DNAH5: variants seen among roughly 807,000 people sequenced by gnomAD.
DNAH5 encodes dynein axonemal heavy chain 5, also known as axonemal beta dynein heavy chain 5.
A neutral mutation model predicts 518.2 loss-of-function variants in DNAH5; 372 were observed. That is an observed-to-expected ratio of 0.72 (90% confidence interval 0.66 to 0.78). The LOEUF (loss-of-function observed/expected upper bound fraction) is 0.78, where lower values mean the gene tolerates loss of function less well. Ranked by LOEUF, DNAH5 falls within the 30% of genes least tolerant of loss-of-function variation. The pLI is 0.00. For missense variants in DNAH5, 5,523 were observed against 5,687.0 expected (o/e 0.97, Z 0.93); for synonymous variants, 2,039 against 2,025.9 (o/e 1.01, Z -0.17).
chr5:13,719,649 C>T (rs577712710), intron 71 of DNAH5, among the ~76,000 whole-genome samples: 3 of 152,270 alleles, frequency 2.0e-5, no homozygotes, highest in Non-Finnish European at 4.4e-5. Context: ...TGATTTTCTA[C>T]AGAAGGCAAA....
Position 13,901,351 on chromosome 5 carries a change from T to G in DNAH5, c.1953A>C (p.Leu651=), listed in dbSNP as rs1358600665. ...MQLFQQHPAV[L]STAEAKPIIR... is the part of the protein sequence containing the mutation. Reference sequence around the variant, plus strand: ...TTATAGGTTTGGCTTCTGCCGTGCTTAGCACAGCTGGGTGCTGCTGGAAAA... The same window carrying G: ...TTATAGGTTTGGCTTCTGCCGTGCTGAGCACAGCTGGGTGCTGCTGGAAAA... Residue 651 remains leucine (L), a synonymous_variant, in exon 14 of 79, where the codon CTA becomes CTC. Transcript: ENST00000265104. 6 of 1,614,070 alleles carry G rather than the reference T, an allele frequency of 3.7e-6. No homozygotes were observed. In the African/African-American group the frequency reaches 8.0e-5, roughly 22 times the overall value.
chr5:13,718,466 T>C (rs1044278931), intron 72 of DNAH5, among the ~76,000 whole-genome samples: 8 of 152,194 alleles, frequency 5.3e-5, no homozygotes, highest in Admixed American at 4.6e-4. Context: ...TTGCTGCCAC[T>C]GGATTTTTAA....
At chr5:13,962,465 A>G (rs115306539) in intron 1 of DNAH5, among the ~76,000 whole-genome samples, 4,014 of 152,294 alleles carry the variant, frequency 0.026, 60 homozygotes, top group South Asian at 0.057. Context: ...GGAACCAAAA[A>G]AAACAGTCTC....
Position 13,872,888 on chromosome 5 carries a change from TA to T in DNAH5, c.3397-1124del, listed in dbSNP as rs530243596. 1.3e-3 allele frequency among the ~76,000 whole-genome samples: 195 copies of T among 146,538 alleles called. 4 individuals are homozygous for T. The highest frequency in any genetic ancestry group is 3.5e-3 in the Middle Eastern group (1 of 286). On this transcript the variant is annotated intron_variant, in intron 22 of 78. Coordinates refer to ENST00000265104, the MANE Select transcript of DNAH5 (RefSeq NM_001369.3). ...ATGGTTCTCACTCATAAGTTAGTGC[TA>T]AAAAAAAAAGTGTTTGCATGGACAT...
intron 38 of DNAH5, among the ~76,000 whole-genome samples, chr5:13,826,564 TCCTTCCTGACA>T (rs1762917252): frequency 6.6e-6 from 1 of 152,238 alleles, no homozygotes; most frequent in Admixed American, 6.5e-5. Flanking sequence ...TCAGCACTTC[TCCTTCCTGACA>T]CCACATGAAG....
intron 28 of DNAH5, 92 bp downstream of exon 28, chr5:13,864,305 G>C (rs1768902428): frequency 1.3e-6 from 2 of 1,532,922 alleles, no homozygotes; most frequent in Non-Finnish European, 1.8e-6. Context: ...AATTGTCTGA[G>C]TGTAGTTTAC....
chr5:13,890,849 G>T, intron 17 of DNAH5, 127 bp downstream of exon 17: 2 of 1,032,538 alleles, frequency 1.9e-6, no homozygotes, highest in Non-Finnish European at 2.9e-6. Flanking sequence ...TTCCATGTCT[G>T]AATCACTTCT....
chr5:13,833,023 C>G (rs1763875109), intron 35 of DNAH5, among the ~76,000 whole-genome samples: 1 of 151,570 alleles, frequency 6.6e-6, no homozygotes, highest in South Asian at 2.1e-4. Flanking sequence ...GTACGTGCAT[C>G]AGCAGAGTAC....
At chr5:14,003,317 C>G (rs941469142) in intron 1 of DNAH5, among the ~76,000 whole-genome samples, 1 of 152,068 alleles carries the variant, frequency 6.6e-6, no homozygotes, top group Non-Finnish European at 1.5e-5. Flanking sequence ...AATTTCATTT[C>G]TTGTTTTTTG....
intron 1 of DNAH5, among the ~76,000 whole-genome samples, chr5:13,991,609 G>C (rs1581129510): frequency 6.8e-6 from 1 of 147,876 alleles, no homozygotes; most frequent in South Asian, 2.2e-4. Context: ...GAGGAGGAAG[G>C]GGAGAGGGAG....
chr5:13,961,636 T>C (rs959724308), intron 1 of DNAH5, among the ~76,000 whole-genome samples: 1 of 135,920 alleles, frequency 7.4e-6, no homozygotes, highest in Non-Finnish European at 1.7e-5. Flanking sequence ...AGAGCAAGAC[T>C]CCTTCTGAAA....
intron 1 of DNAH5, among the ~76,000 whole-genome samples, chr5:13,950,369 TG>T (rs1780293547): frequency 6.6e-6 from 1 of 152,100 alleles, no homozygotes; most frequent in Non-Finnish European, 1.5e-5. Flanking sequence ...CTTCGCCTCC[TG>T]GGTTCAAGCA....
intron 53 of DNAH5, among the ~76,000 whole-genome samples, chr5:13,780,608 G>T (rs1399436874): frequency 6.6e-6 from 1 of 152,176 alleles, no homozygotes; most frequent in East Asian, 1.9e-4. Context: ...TAGGGAGGTG[G>T]CTACTAAGTG....
Position 13,817,680 on chromosome 5 carries a change from G to A in DNAH5, c.6856C>T (p.His2286Tyr), listed in dbSNP as rs201114289. ...TTGGGATTCATCCTCATTTCCCGAT[G>A]TGGTTTTCCACAATCTATACCAAGT... ...MRAMTDCGKPHREMRMNPKAI... is the reference protein window; with the variant it reads ...MRAMTDCGKPYREMRMNPKAI... Residue 2286 changes from histidine to tyrosine, a missense_variant, in exon 42 of 79, where the codon CAT (histidine) becomes TAT (tyrosine). By Grantham distance (83) the His-to-Tyr change is moderately conservative. Around this residue, in one of 3 missense-constraint regions of DNAH5, gnomAD observed 5,121 missense variants for 5,223.3 expected, o/e 0.98. Transcript: ENST00000265104. The A allele has an allele frequency of 3.1e-6, 5 of 1,614,178 alleles. No homozygotes were observed. Among genetic ancestry groups the A allele is most frequent in the South Asian group, 1.1e-5 (1 of 91,080 alleles).
intron 16 of DNAH5, among the ~76,000 whole-genome samples, chr5:13,892,006 T>C (rs1052930601): frequency 6.6e-6 from 1 of 152,200 alleles, no homozygotes; most frequent in African/African-American, 2.4e-5. Context: ...TGAAATTGAA[T>C]ACAGGAAAGT....
At chr5:13,733,885 A>T (rs2126599721) in intron 68 of DNAH5, among the ~76,000 whole-genome samples, 1 of 152,208 alleles carries the variant, frequency 6.6e-6, no homozygotes, top group South Asian at 2.1e-4. Flanking sequence ...TAAGCATGAA[A>T]ATCTCCTGCT....
chr5:13,821,287 A>G (rs31259), intron 40 of DNAH5, among the ~76,000 whole-genome samples: 122,781 of 152,202 alleles, frequency 0.81, 49,858 homozygotes, highest in African/African-American at 0.87. Flanking sequence ...TTTAAAAGGT[A>G]ATACTTACAA....
rs1580783030 is a variant in DNAH5, at chr5:13,894,914, T to A, written c.2260-93A>T. ...CTTATACAAAATGACTACTTTTATT[T>A]AGGGTCAAACTGTAGGGCTCTAATA... On this transcript the variant is annotated intron_variant, in intron 15 of 78. Transcript: ENST00000265104. 2.1e-6 allele frequency: 3 copies of A among 1,447,170 alleles called. No homozygotes were observed. In the East Asian group the frequency reaches 6.8e-5, roughly 33 times the overall value. The allele number at this position is 1,447,170 out of a possible 1,614,324, so 89.6% of individuals were successfully genotyped here.
chr5:13,762,994 G>A (rs1751993109), intron 59 of DNAH5, 93 bp from the exon 60 acceptor site: 12 of 1,055,602 alleles, frequency 1.1e-5, no homozygotes, highest in Middle Eastern at 2.0e-4. Context: ...ACTACTGAAC[G>A]ACCACAAATG....
Sources: allele counts gnomAD v4.1 joint callset (sites outside exome capture counted in the v4.1 genomes callset), GRCh38; gene constraint gnomAD v4.1.1; regional missense constraint gnomAD v4.1.1; transcripts MANE v1.5; gene names NCBI Gene and HGNC (gene_info 2026-07-23, HGNC 2026-07-21).